FHIP1A: variants seen among roughly 807,000 people sequenced by gnomAD.
FHIP1A encodes FHF complex subunit HOOK-interacting protein 1A.
Under a neutral mutation model 88.6 loss-of-function variants are expected in FHIP1A, and 61 were observed. The ratio of observed to expected loss-of-function variants is 0.69; its 90% CI spans 0.56 to 0.85. FHIP1A has a LOEUF of 0.85. FHIP1A is among the 40% of genes least tolerant of loss of function. The pLI is 0.00. For synonymous variants in FHIP1A, 478 were observed against 496.0 expected, an observed-to-expected ratio of 0.96 and a Z score of 0.48; for missense variants, 1,154 against 1,273.5, an observed-to-expected ratio of 0.91 and a Z score of 1.43.
At chr4:151,567,343 G>A (rs531073650) in intron 4 of FHIP1A, among the ~76,000 whole-genome samples, 1 of 151,984 alleles carries the variant, frequency 6.6e-6, no homozygotes, top group African/African-American at 2.4e-5. Flanking sequence ...GTAAATCACA[G>A]CAATTATAGG....
At chr4:151,558,350 A>G (rs939638726) in intron 3 of FHIP1A, among the ~76,000 whole-genome samples, 5 of 152,236 alleles carry the variant, frequency 3.3e-5, no homozygotes, top group African/African-American at 1.2e-4. Flanking sequence ...AGCTTGGCCA[A>G]CATAGTGAAA....
chr4:151,645,614 C>T lies in FHIP1A; in HGVS notation c.1227-944C>T, dbSNP rs540173820. Among the ~76,000 whole-genome samples, 71 of 150,846 alleles carry T rather than the reference C, an allele frequency of 4.7e-4. 1 individual carries two copies. Among genetic ancestry groups the T allele is most frequent in the African/African-American group, 1.7e-3 (69 of 41,070 alleles). ...CTCTGGCTGATTGAAAGTTTGTGAT[C>T]GTTCACATAAGGGATTAGGCTCATC... On this transcript the variant is annotated intron_variant, in intron 9 of 13. Coordinates refer to ENST00000435205, the MANE Select transcript of FHIP1A (RefSeq NM_001109977.3).
chr4:151,646,129 A>G lies in FHIP1A; in HGVS notation c.1227-429A>G, dbSNP rs190614579. 2.6e-3 allele frequency among the ~76,000 whole-genome samples: 402 copies of G among 152,304 alleles called. 7 individuals carry two copies. The highest frequency in any genetic ancestry group is 0.025 in the Admixed American group (380 of 15,300). ...GACTGAAGTAATTGTGATACAAGAT[A>G]ATATTGCTTAATAGAGGCCCATGAG... On this transcript the variant is annotated intron_variant, in intron 9 of 13. Coordinates refer to ENST00000435205, the MANE Select transcript of FHIP1A (RefSeq NM_001109977.3).
At chr4:151,584,468 T>C (rs1357545296) in intron 5 of FHIP1A, among the ~76,000 whole-genome samples, 1 of 152,196 alleles carries the variant, frequency 6.6e-6, no homozygotes, top group East Asian at 1.9e-4. Flanking sequence ...CCACACCTCC[T>C]TCTGACTTTC....
chr4:151,485,523 TC>T (rs1225631195), intron 3 of FHIP1A, among the ~76,000 whole-genome samples: 2 of 151,918 alleles, frequency 1.3e-5, no homozygotes, highest in African/African-American at 4.8e-5. Context: ...AGTGCAAACT[TC>T]ACCTGGGAAC....
intron 1 of FHIP1A, among the ~76,000 whole-genome samples, chr4:151,451,806 C>CT (rs112946935): frequency 0.52 from 76,052 of 147,572 alleles, 19,869 homozygotes; most frequent in Non-Finnish European, 0.55. Flanking sequence ...CTTTTTCTTT[C>CT]TTTTTTTTCT....
At chr4:151,618,131 A>G (rs1735611887) in intron 7 of FHIP1A, among the ~76,000 whole-genome samples, 1 of 152,244 alleles carries the variant, frequency 6.6e-6, no homozygotes, top group Non-Finnish European at 1.5e-5. Context: ...TATATTGTAC[A>G]GCTGGAAAAC....
At chr4:151,446,371 T>A (rs1232125694) in intron 1 of FHIP1A, among the ~76,000 whole-genome samples, 6 of 152,128 alleles carry the variant, frequency 3.9e-5, no homozygotes, top group African/African-American at 1.4e-4. Flanking sequence ...TTAGTTCCTC[T>A]TTTAGATTGG....
intron 7 of FHIP1A, among the ~76,000 whole-genome samples, chr4:151,626,652 T>C (rs1735962401): frequency 6.6e-6 from 1 of 152,230 alleles, no homozygotes; most frequent in Admixed American, 6.5e-5. Flanking sequence ...TAAGGTAGAA[T>C]GTCATTTACT....
Position 151,605,566 on chromosome 4 carries a change from T to C in FHIP1A, c.978+16640T>C, listed in dbSNP as rs183500818. 8.7e-4 allele frequency among the ~76,000 whole-genome samples: 133 copies of C among 152,306 alleles called. 1 individual carries two copies. The highest frequency in any genetic ancestry group is 2.9e-3 in the African/African-American group (121 of 41,560). On this transcript the variant is annotated intron_variant, in intron 7 of 13. Coordinates refer to ENST00000435205, the MANE Select transcript of FHIP1A (RefSeq NM_001109977.3). ...AAAGTCTACCAGAAAAACTGATTTT[T>C]CCACCATCTCTTCTGTGCTGAAACC...
intron 3 of FHIP1A, among the ~76,000 whole-genome samples, chr4:151,526,562 G>T (rs1187127576): frequency 6.7e-6 from 1 of 148,314 alleles, no homozygotes; most frequent in Non-Finnish European, 1.5e-5. Flanking sequence ...AGGGGCGGCC[G>T]GGCAGAGGCG....
intron 7 of FHIP1A, among the ~76,000 whole-genome samples, chr4:151,608,989 G>C (rs897137457): frequency 1.3e-5 from 2 of 152,134 alleles, no homozygotes; most frequent in African/African-American, 2.4e-5. Context: ...TTGATTGAGC[G>C]GGGTACCTCC....
intron 8 of FHIP1A, among the ~76,000 whole-genome samples, chr4:151,633,173 A>G (rs1270382691): frequency 6.6e-6 from 1 of 151,880 alleles, no homozygotes; most frequent in Non-Finnish European, 1.5e-5. Flanking sequence ...GCATACCACA[A>G]ACAATTATAC....
intron 3 of FHIP1A, among the ~76,000 whole-genome samples, chr4:151,501,239 G>T (rs1730639392): frequency 6.6e-6 from 1 of 152,168 alleles, no homozygotes; most frequent in South Asian, 2.1e-4. Flanking sequence ...TCACAAACAA[G>T]TATTTGCTTG....
intron 7 of FHIP1A, among the ~76,000 whole-genome samples, chr4:151,614,468 CAAAA>C (rs1170058431): frequency 3.3e-5 from 2 of 61,248 alleles, no homozygotes; most frequent in Admixed American, 1.9e-4. Flanking sequence ...GACTCTGTCT[CAAAA>C]AAAAAAAAAA....
intron 2 of FHIP1A, among the ~76,000 whole-genome samples, chr4:151,477,032 G>A (rs1465131499): frequency 1.3e-5 from 2 of 152,102 alleles, no homozygotes; most frequent in Admixed American, 1.3e-4. Flanking sequence ...GGATGTGAAG[G>A]TGCCAATTCT....
intron 2 of FHIP1A, among the ~76,000 whole-genome samples, chr4:151,463,387 T>C (rs906384482): frequency 2.0e-5 from 3 of 152,180 alleles, no homozygotes; most frequent in Non-Finnish European, 4.4e-5. Flanking sequence ...GTTCTTATTA[T>C]CCTTTCTGTT....
At chr4:151,473,509 T>C (rs1456221299) in intron 2 of FHIP1A, among the ~76,000 whole-genome samples, 1 of 152,178 alleles carries the variant, frequency 6.6e-6, no homozygotes, top group Admixed American at 6.5e-5. Flanking sequence ...AAATTGATTT[T>C]AATAATCTTA....
chr4:151,431,482 T>C (rs1221425657), intron 1 of FHIP1A, among the ~76,000 whole-genome samples: 3 of 149,872 alleles, frequency 2.0e-5, no homozygotes, highest in African/African-American at 7.4e-5. Context: ...TTCATGTTCT[T>C]ATCACTTACC....
Sources: gnomAD v4.1 joint callset for allele counts (sites outside exome capture counted in the v4.1 genomes callset) on GRCh38, gnomAD v4.1.1 for gene constraint, MANE v1.5 for transcripts, NCBI Gene and HGNC (gene_info 2026-07-23, HGNC 2026-07-21) for gene names.